The following DNAH7 variants were observed in gnomAD, a reference collection of about 807,000 sequenced individuals.
DNAH7 encodes the protein dynein axonemal heavy chain 7.
Under a neutral mutation model 444.6 loss-of-function variants are expected in DNAH7, and 397 were observed. The observed-to-expected ratio is 0.89, with a 90% confidence interval of 0.82 to 0.97. The LOEUF (loss-of-function observed/expected upper bound fraction) is 0.97, where lower values mean the gene tolerates loss of function less well. DNAH7 is among the 50% of genes least tolerant of loss of function. DNAH7 has a pLI of 0.00. For synonymous variants in DNAH7, 1,636 were observed against 1,624.4 expected (o/e 1.01, Z -0.17); for missense variants, 4,902 against 4,800.8 (o/e 1.02, Z -0.62).
intron 47 of DNAH7, among the ~76,000 whole-genome samples, chr2:195,835,400 A>T (rs1698311926): frequency 7.5e-6 from 1 of 133,316 alleles, no homozygotes; most frequent in African/African-American, 2.7e-5. Flanking sequence ...AAAAAAAAAA[A>T]TTGAAAAGAA....
Position 195,926,547 on chromosome 2 carries a change from A to G in DNAH7, c.3491T>C (p.Phe1164Ser), listed in dbSNP as rs147124238. The G allele has an allele frequency of 2.4e-5, 38 of 1,600,346 alleles. 2 individuals carry two copies. Among genetic ancestry groups the G allele is most frequent in the Admixed American group, 3.5e-5 (2 of 57,042 alleles). Reference protein sequence around the residue: ...SIHKVTGDATFAYTKYERINW... With the variant: ...SIHKVTGDATSAYTKYERINW... ...AATTCGTTCATATTTTGTATAGGCA[A>G]AAGTTGCATCTCCAGTTACCTAATC... Residue 1164 changes from phenylalanine (F) to serine (S), a missense_variant, in exon 22 of 65, where the codon TTT becomes TCT. Transcript: ENST00000312428.
chr2:195,896,719 A>C (rs922018767), intron 29 of DNAH7, among the ~76,000 whole-genome samples: 6 of 152,196 alleles, frequency 3.9e-5, no homozygotes, highest in African/African-American at 1.4e-4. Flanking sequence ...TGTACAGTGC[A>C]CCAGTACTAA....
chr2:196,043,316 T>C (rs1285125529), intron 5 of DNAH7, among the ~76,000 whole-genome samples: 2 of 151,938 alleles, frequency 1.3e-5, no homozygotes, highest in African/African-American at 4.8e-5. Flanking sequence ...CCAAGACAGA[T>C]TACCAACAAA....
intron 16 of DNAH7, 66 bp from the exon 17 acceptor site, chr2:195,970,160 A>C: frequency 6.9e-7 from 1 of 1,452,548 alleles, no homozygotes; most frequent in Non-Finnish European, 9.3e-7. Context: ...AAAAATTTTA[A>C]CATTGTAGGA....
chr2:195,951,405 A>G (rs1049968259), intron 19 of DNAH7, among the ~76,000 whole-genome samples: 4 of 152,202 alleles, frequency 2.6e-5, no homozygotes, highest in Non-Finnish European at 4.4e-5. Context: ...ACTGAGAAGA[A>G]TGTATATTCT....
chr2:195,744,087 G>A (rs1160199472), intron 63 of DNAH7, among the ~76,000 whole-genome samples: 21 of 152,258 alleles, frequency 1.4e-4, no homozygotes, highest in Admixed American at 1.4e-3. Flanking sequence ...AGCGCAAGGG[G>A]TCAGGGAGTT....
chr2:195,976,096 A>T (rs1692167205), intron 15 of DNAH7, among the ~76,000 whole-genome samples: 1 of 152,228 alleles, frequency 6.6e-6, no homozygotes, highest in Admixed American at 6.5e-5. Context: ...CAGCTCGGCC[A>T]CAGTGTGGCA....
intron 12 of DNAH7, chr2:195,994,254 T>C: frequency 5.2e-6 from 2 of 382,306 alleles, no homozygotes; most frequent in East Asian, 6.3e-5. Flanking sequence ...TAATCAACCA[T>C]ACCTGAAGTC....
rs773082422 is a variant in DNAH7 at position 195,775,953 on chromosome 2, G to C, written c.11095C>G (p.Leu3699Val). ...HKSYIEYTKT[L>V]PLTPAPEIFG... ...ATTTCTGGTGCTGGGGTCAGTGGCA[G>C]AGTCTTTGTGTATTCGATGTAGCTT... Residue 3699 changes from leucine (L) to valine (V), a missense_variant, in exon 60 of 65, where the codon CTG (leucine) becomes GTG (valine). Coordinates refer to ENST00000312428, the MANE Select transcript of DNAH7 (RefSeq NM_018897.3). 3.1e-6 allele frequency: 5 copies of C among 1,614,190 alleles called. No individual in the cohort carries two copies. The East Asian group carries it at 6.7e-5, about 22-fold the overall frequency.
At chr2:195,838,360 G>A (rs1698493565) in intron 47 of DNAH7, among the ~76,000 whole-genome samples, 1 of 151,858 alleles carries the variant, frequency 6.6e-6, no homozygotes, top group Non-Finnish European at 1.5e-5. Flanking sequence ...CAAAGAAATA[G>A]ACAGATTTGA....
At chr2:195,873,529 ACCT>A (rs780869084) in intron 39 of DNAH7, 36 bp downstream of exon 39, 47 of 1,147,534 alleles carry the variant, frequency 4.1e-5, no homozygotes, top group Non-Finnish European at 4.6e-5. Flanking sequence ...AATATTTTAT[ACCT>A]CCTAATTAAA....
chr2:196,001,611 T>C, intron 11 of DNAH7, 64 bp downstream of exon 11: 1 of 1,349,548 alleles, frequency 7.4e-7, no homozygotes, highest in Admixed American at 2.5e-5. Context: ...GTTATTTTCC[T>C]CTCTGAAATA....
At chr2:195,919,943 T>C (rs1042219978) in intron 24 of DNAH7, among the ~76,000 whole-genome samples, 1 of 152,142 alleles carries the variant, frequency 6.6e-6, no homozygotes, top group African/African-American at 2.4e-5. Flanking sequence ...AGCAAGCTTA[T>C]AGGAGAGACC....
At chr2:195,824,194 G>C in intron 49 of DNAH7, 61 bp downstream of exon 49, 1 of 1,427,828 alleles carries the variant, frequency 7.0e-7, no homozygotes, top group South Asian at 1.5e-5. Context: ...TATGACTCAG[G>C]AGGAATATAT....
At chr2:195,840,417 C>G (rs1045721679) in intron 47 of DNAH7, among the ~76,000 whole-genome samples, 1 of 151,672 alleles carries the variant, frequency 6.6e-6, no homozygotes, top group Non-Finnish European at 1.5e-5. Flanking sequence ...TAGTAAAAAA[C>G]TGATTCTCTC....
At chr2:196,040,446 C>T (rs1696668332) in intron 5 of DNAH7, among the ~76,000 whole-genome samples, 2 of 152,122 alleles carry the variant, frequency 1.3e-5, no homozygotes, top group Non-Finnish European at 2.9e-5. Flanking sequence ...ATATGTGATA[C>T]ACCACATCAA....
At chr2:195,926,082 T>C (rs1252077899) in intron 22 of DNAH7, among the ~76,000 whole-genome samples, 3 of 152,146 alleles carry the variant, frequency 2.0e-5, no homozygotes, top group Non-Finnish European at 4.4e-5. Context: ...GAGAATACTG[T>C]TACTTTATTT....
chr2:195,942,665 G>A (rs79888903), intron 19 of DNAH7, among the ~76,000 whole-genome samples: 8,450 of 152,136 alleles, frequency 0.056, 342 homozygotes, highest in Non-Finnish European at 0.085. Flanking sequence ...AATCTAGTTA[G>A]GATAATCTCT....
chr2:196,053,887 AC>A (rs1255761513), intron 2 of DNAH7, among the ~76,000 whole-genome samples: 5 of 152,216 alleles, frequency 3.3e-5, no homozygotes, highest in Non-Finnish European at 5.9e-5. Flanking sequence ...AGCTAGAGGG[AC>A]AGGGAGTTAA....
Sources: allele counts gnomAD v4.1 joint callset (sites outside exome capture counted in the v4.1 genomes callset), GRCh38; gene constraint gnomAD v4.1.1; transcripts MANE v1.5; gene names NCBI Gene and HGNC (gene_info 2026-07-23, HGNC 2026-07-21).